Variants in ELOVL5 observed in about 807,000 individuals in gnomAD.
ELOVL5 encodes the protein very long chain fatty acid elongase 5.
ELOVL5 carries 8 observed loss-of-function variants against 38.6 expected under a neutral mutation model. The ratio of observed to expected loss-of-function variants is 0.21; its 90% CI spans 0.12 to 0.37. The LOEUF (loss-of-function observed/expected upper bound fraction) is 0.37, where lower values mean the gene tolerates loss of function less well. Ranked by LOEUF, ELOVL5 falls within the 10% of genes least tolerant of loss-of-function variation. The pLI is 1.00. For synonymous variants in ELOVL5, 127 were observed against 133.7 expected (o/e 0.95, Z 0.34); for missense variants, 280 against 367.8 (o/e 0.76, Z 1.95).
chr6:53,279,362 T>C (rs1349350309), intron 3 of ELOVL5, among the ~76,000 whole-genome samples: 1 of 152,216 alleles, frequency 6.6e-6, no homozygotes, highest in African/African-American at 2.4e-5. Flanking sequence ...TCTTCATGAT[T>C]ACTCCCTTGA....
Position 53,286,739 on chromosome 6 carries a change from A to G in ELOVL5, c.246+5037T>C, listed in dbSNP as rs577732586. 7.2e-5 allele frequency among the ~76,000 whole-genome samples: 11 copies of G among 152,342 alleles called. No individual in the cohort carries two copies. In the East Asian group the frequency reaches 1.2e-3, roughly 16 times the overall value. On this transcript the variant is annotated intron_variant, in intron 3 of 7. Transcript: ENST00000304434. ...ATGAATTACATCTATACGACTCAAGATGAATTGGTCAAAAATATACTGACT... is the reference window on the plus strand; with the variant it reads ...ATGAATTACATCTATACGACTCAAGGTGAATTGGTCAAAAATATACTGACT...
At chr6:53,294,462 G>A (rs1766912417) in intron 2 of ELOVL5, 18 of 1,550,422 alleles carry the variant, frequency 1.2e-5, no homozygotes, top group Non-Finnish European at 1.5e-5. Context: ...TGAAGTGGGG[G>A]ACCCATTCTG....
chr6:53,347,823 G>A (rs568762312), intron 1 of ELOVL5, among the ~76,000 whole-genome samples: 30 of 152,252 alleles, frequency 2.0e-4, no homozygotes, highest in African/African-American at 7.0e-4. Flanking sequence ...GATGGGGCGG[G>A]GGGAACCGCC....
At chr6:53,295,862 C>G (rs1247654377) in intron 1 of ELOVL5, among the ~76,000 whole-genome samples, 155 bp from the exon 2 acceptor site, 1 of 152,106 alleles carries the variant, frequency 6.6e-6, no homozygotes, top group Non-Finnish European at 1.5e-5. Flanking sequence ...ACAGAAGTGA[C>G]TTCTGTGCTA....
intron 1 of ELOVL5, among the ~76,000 whole-genome samples, chr6:53,296,882 C>T (rs1477454485): frequency 6.6e-6 from 1 of 152,226 alleles, no homozygotes; most frequent in Non-Finnish European, 1.5e-5. Flanking sequence ...TTTAGCAATA[C>T]TTCTCTTCCT....
At chr6:53,272,433 G>A (rs775784834) in intron 6 of ELOVL5, among the ~76,000 whole-genome samples, 2 of 152,098 alleles carry the variant, frequency 1.3e-5, no homozygotes, top group Non-Finnish European at 2.9e-5. Flanking sequence ...CACTGTGCCT[G>A]GCTTGGGGAC....
intron 7 of ELOVL5, 137 bp downstream of exon 7, chr6:53,270,456 G>T: frequency 1.1e-6 from 1 of 877,336 alleles, no homozygotes; most frequent in Non-Finnish European, 1.7e-6. Flanking sequence ...GGCAGGGGCT[G>T]CTCTTGTCAT....
At chr6:53,338,328 G>A (rs1769173043) in intron 1 of ELOVL5, among the ~76,000 whole-genome samples, 1 of 152,160 alleles carries the variant, frequency 6.6e-6, no homozygotes, top group East Asian at 1.9e-4. Flanking sequence ...GTCACACTGA[G>A]CCTATTCTAA....
chr6:53,298,932 G>A (rs1767137001), intron 1 of ELOVL5, among the ~76,000 whole-genome samples: 1 of 150,536 alleles, frequency 6.6e-6, no homozygotes, highest in African/African-American at 2.5e-5. Context: ...TATCAGGAGA[G>A]GAACTTGTCA....
chr6:53,276,474 G>C (rs1212582326), intron 3 of ELOVL5, among the ~76,000 whole-genome samples: 3 of 152,178 alleles, frequency 2.0e-5, no homozygotes, highest in Non-Finnish European at 4.4e-5. Flanking sequence ...TCACTCCCAG[G>C]CTGCTGCCCT....
chr6:53,309,427 T>C (rs761465864), intron 1 of ELOVL5, among the ~76,000 whole-genome samples: 1 of 152,156 alleles, frequency 6.6e-6, no homozygotes, highest in Non-Finnish European at 1.5e-5. Context: ...CTGGCTCTAT[T>C]ATCATCAATC....
intron 2 of ELOVL5, among the ~76,000 whole-genome samples, chr6:53,295,132 A>G (rs953815937): frequency 4.6e-5 from 7 of 152,222 alleles, no homozygotes; most frequent in Non-Finnish European, 1.0e-4. Flanking sequence ...TCTTTATACA[A>G]AAGACTTTAA....
chr6:53,278,722 C>T (rs533858922), intron 3 of ELOVL5, among the ~76,000 whole-genome samples: 5 of 152,308 alleles, frequency 3.3e-5, no homozygotes, highest in African/African-American at 1.2e-4. Flanking sequence ...CCTCTTCCAC[C>T]TGTTGAGGTT....
chr6:53,294,539 C>T (rs922266331), intron 2 of ELOVL5: 7 of 1,515,316 alleles, frequency 4.6e-6, no homozygotes, highest in East Asian at 2.5e-5. Context: ...TCCTTGGTTA[C>T]ATCATACAGT....
chr6:53,309,929 TC>T (rs1767761003), intron 1 of ELOVL5, among the ~76,000 whole-genome samples: 1 of 152,192 alleles, frequency 6.6e-6, no homozygotes, highest in Non-Finnish European at 1.5e-5. Context: ...TGCTGGGACT[TC>T]TGACCCTCAG....
At position 53,313,013 on chromosome 6, in the gene ELOVL5, G is replaced by A. The variant is rs539740299; in HGVS notation, c.-8-17306C>T. On this transcript the variant is annotated intron_variant, in intron 1 of 7. Coordinates refer to ENST00000304434, the MANE Select transcript of ELOVL5 (RefSeq NM_021814.5). ...AACATTTTCTTATTCAGACTACTCA[G>A]GTGATGGGGATACTGTTTTGATCAA... Among the ~76,000 whole-genome samples, 25 of 152,300 alleles carry A rather than the reference G, an allele frequency of 1.6e-4. 1 individual carries two copies. In the East Asian group the frequency reaches 4.6e-3, roughly 28 times the overall value.
chr6:53,288,841 G>A (rs1449079668), intron 3 of ELOVL5, among the ~76,000 whole-genome samples: 1 of 152,192 alleles, frequency 6.6e-6, no homozygotes, highest in African/African-American at 2.4e-5. Flanking sequence ...AGAGGTGGGT[G>A]GATTGCTTGA....
intron 3 of ELOVL5, chr6:53,277,144 C>T (rs1474819105): frequency 6.5e-6 from 1 of 153,572 alleles, no homozygotes; most frequent in African/African-American, 2.4e-5. Flanking sequence ...CAGATTCCCC[C>T]CCAGGGAACA....
At chr6:53,347,176 A>G (rs1582010406) in intron 1 of ELOVL5, among the ~76,000 whole-genome samples, 1 of 152,242 alleles carries the variant, frequency 6.6e-6, no homozygotes, top group African/African-American at 2.4e-5. Flanking sequence ...TGTAACTATC[A>G]ATAAAAATTT....
Sources: gnomAD v4.1 joint callset for allele counts (sites outside exome capture counted in the v4.1 genomes callset) on GRCh38, gnomAD v4.1.1 for gene constraint, MANE v1.5 for transcripts, NCBI Gene and HGNC (gene_info 2026-07-23, HGNC 2026-07-21) for gene names.